The following ABCA7 variants were observed in gnomAD, a reference collection of about 807,000 sequenced individuals.
ABCA7 encodes the protein phospholipid-transporting ATPase ABCA7.
In ABCA7, 261 loss-of-function variants were observed where a neutral mutation model predicts 227.6. The observed-to-expected ratio is 1.15, with a 90% CI of 1.04 to 1.27. The LOEUF (loss-of-function observed/expected upper bound fraction) is 1.27. ABCA7 is among the 50% of genes most tolerant of loss of function. ABCA7 has a pLI of 0.00. For synonymous variants in ABCA7, 1,488 were observed against 1,279.7 expected (o/e 1.16, Z -3.47); for missense variants, 3,331 against 2,924.5 (o/e 1.14, Z -3.21).
In ABCA7 at chr19:1,049,475, ACTCCCACCCCGTGAGC is replaced by A. The variant is rs1568306587; in HGVS notation, c.2552+40_2552+55del. 4.8e-5 allele frequency: 19 copies of A among 391,948 alleles called. 1 individual carries two copies. The highest frequency in any genetic ancestry group is 4.8e-4 in the Admixed American group (2 of 4,182). 24.3% of individuals were successfully genotyped at this position (391,948 alleles called of 1,614,324 possible). A position where few individuals can be genotyped will look rare whatever the true frequency, so the allele number is the denominator to read the frequency against. On this transcript the variant is annotated intron_variant, in intron 18 of 46. Transcript: ENST00000263094. Reference sequence around the variant, plus strand: ...CCACTCCCTCCCCGTGAGCCCCCCCACTCCCACCCCGTGAGCCCCCCCACCACTCCCTCCCCGTGAG... The same window carrying A: ...CCACTCCCTCCCCGTGAGCCCCCCCACCCCCCACCACTCCCTCCCCGTGAG...
chr19:1,044,408 C>T (rs765620401), intron 10 of ABCA7, among the ~76,000 whole-genome samples, 169 bp from the exon 11 acceptor site: 5 of 151,536 alleles, frequency 3.3e-5, no homozygotes, highest in South Asian at 2.1e-4. Flanking sequence ...CCACCACTCC[C>T]GGCTACTTTT....
chr19:1,041,739 T>A, intron 3 of ABCA7, 92 bp from the exon 4 acceptor site: 1 of 1,584,044 alleles, frequency 6.3e-7, no homozygotes, highest in African/African-American at 1.3e-5. Context: ...GAGCTCTCCA[T>A]CGCTGGAGGC....
Position 1,043,842 on chromosome 19 carries a change from G to C in ABCA7, c.1047+1G>C. On this transcript the variant is annotated splice_donor_variant, in intron 10 of 46. Coordinates refer to ENST00000263094, the MANE Select transcript of ABCA7 (RefSeq NM_019112.4). LOFTEE classifies it high-confidence loss of function. ...CAGTTCCAATGTGGCCATGCTGCAG[G>C]TGTGCGGGGGTGCTGGGGAGGTGGG... 1 of 1,612,896 alleles carries C rather than the reference G, an allele frequency of 6.2e-7. No individual in the cohort carries two copies. Among genetic ancestry groups the C allele is most frequent in the Non-Finnish European group, 8.5e-7 (1 of 1,179,846 alleles).
rs2040685680 is a variant in ABCA7, at chr19:1,046,515, T to G, written c.1622+109T>G. On this transcript the variant is annotated intron_variant, in intron 13 of 46. Transcript: ENST00000263094. ...TTCCTGCGGTCCAGGCTGCGAACTTTGCACCTTTACACCACTCCACGTGAC... is the reference window on the plus strand; with the variant it reads ...TTCCTGCGGTCCAGGCTGCGAACTTGGCACCTTTACACCACTCCACGTGAC... 12 of 1,437,716 alleles carry G rather than the reference T, an allele frequency of 8.3e-6. No homozygotes were observed. The South Asian group carries it at 1.1e-4, about 13-fold the overall frequency. 89.1% of individuals were successfully genotyped at this position (1,437,716 alleles called of 1,614,324 possible).
chr19:1,059,570 T>C (rs544664754), intron 40 of ABCA7, among the ~76,000 whole-genome samples: 4 of 106,226 alleles, frequency 3.8e-5, no homozygotes, highest in Non-Finnish European at 7.9e-5. Flanking sequence ...TGCCCTATTT[T>C]ATCTTTTTTT....
chr19:1,056,341 C>G lies in ABCA7; in HGVS notation c.4428C>G (p.Asn1476Lys). Residue 1476 changes from asparagine to lysine, a missense_variant, in exon 33 of 47, where the codon AAC becomes AAG. Coordinates refer to ENST00000263094, the MANE Select transcript of ABCA7 (RefSeq NM_019112.4). The surrounding 1 kb of genome is among the most constrained non-coding windows in gnomAD (Gnocchi z 4.3). ...TGACCCCCACCCAGATCTGGTTCAA[C>G]AACAAAGGCTGGCACTCCATGGTGG... is the stretch of plus-strand genomic sequence containing the variant. ...DAQDSLKIWF[N>K]NKGWHSMVAF... The G allele has an allele frequency of 6.2e-7, 1 of 1,613,378 alleles. No homozygotes were observed. Among genetic ancestry groups the G allele is most frequent in the Non-Finnish European group, 8.5e-7 (1 of 1,179,930 alleles).
chr19:1,054,205 C>T lies in ABCA7; in HGVS notation c.3590C>T (p.Pro1197Leu), dbSNP rs2042037264. The change falls in exon 27 of 47, where the codon CCA (proline) becomes CTA (leucine). Residue 1197 changes from proline (P) to leucine (L), a missense_variant. Pro to Leu is a moderately conservative substitution (Grantham distance 98, BLOSUM62 -3). Coordinates refer to ENST00000263094, the MANE Select transcript of ABCA7 (RefSeq NM_019112.4). This position sits in a 1 kb window ranked among gnomAD's most constrained non-coding sequence, Gnocchi z 4.8. ...TCATCCCTCACAGCTGGGTCAGCCCCAGAGACTGACCAGGGCTCTGGGCCA... is the reference window on the plus strand; with the variant it reads ...TCATCCCTCACAGCTGGGTCAGCCCTAGAGACTGACCAGGGCTCTGGGCCA... ...LENGEPAGSA[P>L]ETDQGSGPDA... 3 of 1,609,178 alleles carry T rather than the reference C, an allele frequency of 1.9e-6. No individual in the cohort carries two copies. In the African/African-American group the frequency reaches 4.0e-5, roughly 22 times the overall value.
rs745554135 is a variant in ABCA7 at position 1,061,791 on chromosome 19, C to T, written c.5473C>T (p.Leu1825=). 17 of 1,612,484 alleles carry T rather than the reference C, an allele frequency of 1.1e-5. No homozygotes were observed. The South Asian group carries it at 1.9e-4, about 18-fold the overall frequency. Residue 1825 remains leucine, a synonymous_variant, in exon 41 of 47, where the codon CTG becomes TTG. Coordinates refer to ENST00000263094, the MANE Select transcript of ABCA7 (RefSeq NM_019112.4). ...LGIPPGECFG[L]LGVNGAGKTS... is the part of the protein sequence containing the mutation. Reference sequence around the variant, plus strand: ...GTGGGCATCCCTGTAGTGTTTTGGGCTGCTGGGTGTGAATGGAGCAGGGAA... The same window carrying T: ...GTGGGCATCCCTGTAGTGTTTTGGGTTGCTGGGTGTGAATGGAGCAGGGAA...
chr19:1,053,865 C>T, intron 25 of ABCA7, 29 bp downstream of exon 25: 1 of 1,603,514 alleles, frequency 6.2e-7, no homozygotes, highest in Non-Finnish European at 8.5e-7. Flanking sequence ...GACCCCTGAC[C>T]CCAGTCCAGA....
rs776465510 is a variant in ABCA7, at chr19:1,062,287, G to C, written c.5686G>C (p.Gly1896Arg). The change falls in exon 42 of 47, where the codon GGT becomes CGT. Residue 1896 changes from glycine (G) to arginine (R), a missense_variant. Coordinates refer to ENST00000263094, the MANE Select transcript of ABCA7 (RefSeq NM_019112.4). Reference protein sequence around the residue: ...EHLELLARLRGVPEAQVAQTA... With the variant: ...EHLELLARLRRVPEAQVAQTA... ...CCTGGAGCTGCTTGCGCGCCTGCGC[G>C]GTGTCCCGGAGGCCCAGGTTGCCCA... The C allele has an allele frequency of 5.0e-6, 8 of 1,607,856 alleles. No individual in the cohort carries two copies. The highest frequency in any genetic ancestry group is 4.5e-5 in the East Asian group (2 of 44,858).
chr19:1,058,653 G>C lies in ABCA7; in HGVS notation c.5185G>C (p.Val1729Leu). 1.2e-6 allele frequency: 2 copies of C among 1,613,938 alleles called. No homozygotes were observed. Among genetic ancestry groups the C allele is most frequent in the Non-Finnish European group, 8.5e-7 (1 of 1,180,010 alleles). Reference sequence around the variant, plus strand: ...GTTCCAGTCACCCCTGCGCTGGGAGGTGGTCGGCAAGAACCTCTTGGCCAT... The same window carrying C: ...GTTCCAGTCACCCCTGCGCTGGGAGCTGGTCGGCAAGAACCTCTTGGCCAT... ...RQFQSPLRWEVVGKNLLAMVI... is the reference protein window; with the variant it reads ...RQFQSPLRWELVGKNLLAMVI... The change falls in exon 38 of 47, where the codon GTG (valine) becomes CTG (leucine). Residue 1729 changes from valine (V) to leucine (L), a missense_variant. Transcript: ENST00000263094.
At chr19:1,043,635 C>T in intron 9 of ABCA7, 90 bp from the exon 10 acceptor site, 1 of 1,518,412 alleles carries the variant, frequency 6.6e-7, no homozygotes, top group East Asian at 2.3e-5. Flanking sequence ...GGATCAGAGG[C>T]ACACGCAGGA....
chr19:1,044,787 G>A, intron 11 of ABCA7, 43 bp downstream of exon 11: 1 of 1,554,386 alleles, frequency 6.4e-7, no homozygotes, highest in Non-Finnish European at 8.7e-7. Flanking sequence ...AGTGGGGAGG[G>A]CAGGTCCCAT....
At chr19:1,047,688 C>G (rs4147911) in intron 16 of ABCA7, 34 bp downstream of exon 16, 144,200 of 1,545,166 alleles carry the variant, frequency 0.093, 8,985 homozygotes, top group East Asian at 0.36. Flanking sequence ...CGGGCCGGGT[C>G]GCACCTGCTT....
rs775068647 is a variant in ABCA7 at position 1,046,984 on chromosome 19, C to G, written c.1805C>G (p.Pro602Arg). Residue 602 changes from proline (P) to arginine (R), a missense_variant, in exon 14 of 47, where the codon CCC becomes CGC. Transcript: ENST00000263094. ...WLGWFLSCLG[P>R]FLLSAALLVL... ...GGCTGGTTCCTCAGCTGCCTCGGGC[C>G]CTTCCTGCTCAGCGCCGCACTGCTG... 1.3e-6 allele frequency: 2 copies of G among 1,582,518 alleles called. No homozygotes were observed. Among genetic ancestry groups the G allele is most frequent in the South Asian group, 2.3e-5 (2 of 87,122 alleles).
intron 11 of ABCA7, 68 bp downstream of exon 11, chr19:1,044,812 C>G: frequency 6.6e-7 from 1 of 1,524,212 alleles, no homozygotes; most frequent in Admixed American, 2.0e-5. Flanking sequence ...GTGTTCCCAC[C>G]CTGGTGTTCC....
In ABCA7 at chr19:1,043,175, C is replaced by G. The variant is rs1469111443; in HGVS notation, c.714C>G (p.Leu238=). The change falls in exon 8 of 47, where the codon CTC becomes CTG. Residue 238 remains leucine (L), a synonymous_variant. Transcript: ENST00000263094. ...CTAGCAGCACAGTGGGCCCCTCCCT[C>G]AACTGGTACGAGGCTAGTGACCTGA... ...RGPSSTVGPS[L]NWYEASDLME... The G allele has an allele frequency of 6.2e-7, 1 of 1,611,028 alleles. No individual in the cohort carries two copies. The highest frequency in any genetic ancestry group is 2.2e-5 in the East Asian group (1 of 44,820).
rs570720652 is a variant in ABCA7 at position 1,046,918 on chromosome 19, C to A, written c.1739C>A (p.Thr580Asn). 5.8e-6 allele frequency: 9 copies of A among 1,555,000 alleles called. No homozygotes were observed. The highest frequency in any genetic ancestry group is 3.8e-5 in the Admixed American group (2 of 52,046). The change falls in exon 14 of 47, where the codon ACC becomes AAC. Residue 580 changes from threonine (T) to asparagine (N), a missense_variant. Coordinates refer to ENST00000263094, the MANE Select transcript of ABCA7 (RefSeq NM_019112.4). Reference sequence around the variant, plus strand: ...GAGAAGGAGACGCGGCTGCGGGACACCATGCGCGCCATGGGGCTCAGCCGC... The same window carrying A: ...GAGAAGGAGACGCGGCTGCGGGACAACATGCGCGCCATGGGGCTCAGCCGC... ...VREKETRLRD[T>N]MRAMGLSRAV...
chr19:1,060,207 A>ATATTTTTTTTTTTTTTTTTT, intron 40 of ABCA7, among the ~76,000 whole-genome samples: 1 of 96,770 alleles, frequency 1.0e-5, no homozygotes, highest in African/African-American at 3.5e-5. Context: ...ATATATATAT[A>ATATTTTTTTTTTTTTTTTTT]TTTTTTTTTC....
Sources: gnomAD v4.1 joint callset for allele counts (sites outside exome capture counted in the v4.1 genomes callset) on GRCh38, gnomAD v4.1.1 for gene constraint, Gnocchi (gnomAD v3.1) non-coding constraint, MANE v1.5 for transcripts, NCBI Gene and HGNC (gene_info 2026-07-23, HGNC 2026-07-21) for gene names.